HTR4: variants seen among roughly 807,000 people sequenced by gnomAD.
HTR4 encodes the protein 5-hydroxytryptamine receptor 4.
Under a neutral mutation model 36.8 loss-of-function variants are expected in HTR4, and 16 were observed. The ratio of observed to expected loss-of-function variants is 0.43; its 90% CI spans 0.29 to 0.66. The LOEUF (loss-of-function observed/expected upper bound fraction) is 0.66. Among genes scored for constraint, HTR4 ranks in the 30% least tolerant of loss-of-function variants. The pLI, the probability that HTR4 is intolerant of heterozygous loss-of-function variation, is 0.13. For synonymous variants in HTR4, 189 were observed against 185.1 expected, an observed-to-expected ratio of 1.02 and a Z score of -0.17; for missense variants, 438 against 490.9, an observed-to-expected ratio of 0.89 and a Z score of 1.02.
At chr5:148,561,257 T>C (rs949841072) in intron 2 of HTR4, among the ~76,000 whole-genome samples, 2 of 152,194 alleles carry the variant, frequency 1.3e-5, no homozygotes, top group South Asian at 4.1e-4. Flanking sequence ...AGGATCTCTC[T>C]GTACAGAGTA....
chr5:148,529,286 G>T (rs1758437921), intron 4 of HTR4, among the ~76,000 whole-genome samples: 1 of 152,098 alleles, frequency 6.6e-6, no homozygotes, highest in South Asian at 2.1e-4. Context: ...ATATGGTTTG[G>T]CTGTGTACCC....
intron 1 of HTR4, among the ~76,000 whole-genome samples, chr5:148,651,136 A>G (rs915936153): frequency 1.3e-5 from 2 of 152,234 alleles, no homozygotes; most frequent in Admixed American, 1.3e-4. Flanking sequence ...AAGATTAAAT[A>G]AGATCATTCT....
intron 2 of HTR4, among the ~76,000 whole-genome samples, chr5:148,591,193 T>C (rs371966848): frequency 6.6e-6 from 1 of 152,220 alleles, no homozygotes; most frequent in Non-Finnish European, 1.5e-5. Flanking sequence ...TCCATGTGCA[T>C]GTTTTTGTAT....
At chr5:148,529,379 G>A (rs1758442076) in intron 4 of HTR4, among the ~76,000 whole-genome samples, 1 of 152,158 alleles carries the variant, frequency 6.6e-6, no homozygotes, top group Non-Finnish European at 1.5e-5. Flanking sequence ...TGAATCACGG[G>A]AGTGCGTCTT....
intron 2 of HTR4, among the ~76,000 whole-genome samples, chr5:148,579,828 A>G (rs1427020096): frequency 6.6e-6 from 1 of 152,054 alleles, no homozygotes; most frequent in Non-Finnish European, 1.5e-5. Flanking sequence ...CCACATATCA[A>G]ATCACTCTCA....
In HTR4 at chr5:148,564,304, A is replaced by G. The variant is rs2113870939; in HGVS notation, c.27-14042T>C. Among the ~76,000 whole-genome samples, 3 of 152,254 alleles carry G rather than the reference A, an allele frequency of 2.0e-5. No homozygotes were observed. The South Asian group carries it at 6.2e-4, about 32-fold the overall frequency. ...ATGTCCTTCAGCACTCAGCTTAAAC[A>G]TCTTATTGTCTGGGAAGCCATCCTG... is the stretch of plus-strand genomic sequence containing the variant. On this transcript the variant is annotated intron_variant, in intron 2 of 6. Coordinates refer to ENST00000377888, the MANE Select transcript of HTR4 (RefSeq NM_000870.7).
chr5:148,487,905 A>T (rs1173774881), intron 6 of HTR4, among the ~76,000 whole-genome samples: 1 of 152,208 alleles, frequency 6.6e-6, no homozygotes, highest in Non-Finnish European at 1.5e-5. Context: ...ACAAGGAAGT[A>T]TTTATTGGTT....
chr5:148,486,423 G>A (rs965104621), intron 6 of HTR4, among the ~76,000 whole-genome samples: 1 of 152,168 alleles, frequency 6.6e-6, no homozygotes, highest in African/African-American at 2.4e-5. Context: ...AGAGAAGAAA[G>A]CAGCAGAGTG....
chr5:148,543,352 C>T (rs1454144988), intron 4 of HTR4, among the ~76,000 whole-genome samples: 1 of 152,128 alleles, frequency 6.6e-6, no homozygotes, highest in African/African-American at 2.4e-5. Flanking sequence ...CAAAGTTAGA[C>T]TAAATGACAT....
At chr5:148,615,634 A>T (rs1752639945) in intron 2 of HTR4, among the ~76,000 whole-genome samples, 1 of 151,668 alleles carries the variant, frequency 6.6e-6, no homozygotes, top group African/African-American at 2.4e-5. Flanking sequence ...TACGTATGTA[A>T]CTAACCTGCA....
At chr5:148,544,833 C>T (rs1173903573) in intron 4 of HTR4, among the ~76,000 whole-genome samples, 1 of 152,124 alleles carries the variant, frequency 6.6e-6, no homozygotes, top group African/African-American at 2.4e-5. Flanking sequence ...AGGAGTCTGC[C>T]ATCTGAGAAG....
At chr5:148,612,839 A>T (rs1340444656) in intron 2 of HTR4, among the ~76,000 whole-genome samples, 20 of 144,036 alleles carry the variant, frequency 1.4e-4, no homozygotes, top group African/African-American at 5.2e-4. Flanking sequence ...AAAAAATGAT[A>T]AAGGGGATAT....
Position 148,482,013 on chromosome 5 carries a change from C to G in HTR4, c.*1190G>C. 1.0e-6 allele frequency: 1 copy of G among 997,370 alleles called. No individual in the cohort carries two copies. The highest frequency in any genetic ancestry group is 1.2e-6 in the Non-Finnish European group (1 of 837,544). 61.8% of individuals were successfully genotyped at this position (997,370 alleles called of 1,614,324 possible). A position where few individuals can be genotyped will look rare whatever the true frequency, so the allele number is the denominator to read the frequency against. On this transcript the variant is annotated 3_prime_UTR_variant, in exon 7 of 7. Transcript: ENST00000377888. ...GAAACAGAAAGAAAACTTAAAGGTC[C>G]TCTAGTCCAAGCTTGAGTGCACAGA... is the stretch of plus-strand genomic sequence containing the variant.
chr5:148,551,622 T>C (rs1028821350), intron 2 of HTR4, among the ~76,000 whole-genome samples: 6 of 152,194 alleles, frequency 3.9e-5, no homozygotes, highest in African/African-American at 1.4e-4. Context: ...TTTAATGAAG[T>C]TTCAAAGAAT....
intron 2 of HTR4, among the ~76,000 whole-genome samples, chr5:148,556,962 G>C (rs1759975572): frequency 6.6e-6 from 1 of 152,170 alleles, no homozygotes; most frequent in Admixed American, 6.5e-5. Flanking sequence ...TGCATTCAAA[G>C]GGAAGAGCAA....
chr5:148,579,393 A>C (rs917307125), intron 2 of HTR4, among the ~76,000 whole-genome samples: 25 of 152,064 alleles, frequency 1.6e-4, no homozygotes, highest in African/African-American at 5.8e-4. Context: ...TCCCTACGTT[A>C]AGAGAGATTA....
intron 2 of HTR4, among the ~76,000 whole-genome samples, chr5:148,565,063 T>A (rs1043579873): frequency 7.0e-6 from 1 of 143,560 alleles, no homozygotes; most frequent in Non-Finnish European, 1.5e-5. Flanking sequence ...TAAGCCAATA[T>A]CACACCACTG....
At chr5:148,631,031 A>T (rs888191446) in intron 2 of HTR4, among the ~76,000 whole-genome samples, 97 of 152,186 alleles carry the variant, frequency 6.4e-4, no homozygotes, top group African/African-American at 2.3e-3. Context: ...TTACTAGCTT[A>T]ATTCCATAAC....
chr5:148,465,516 C>T (rs1333115651), intron 5 of HTR4, among the ~76,000 whole-genome samples: 1 of 152,136 alleles, frequency 6.6e-6, no homozygotes, highest in African/African-American at 2.4e-5. Flanking sequence ...AATTGGAGCA[C>T]TGGGGGTAAT....
Sources: gnomAD v4.1 joint callset for allele counts (sites outside exome capture counted in the v4.1 genomes callset) on GRCh38, gnomAD v4.1.1 for gene constraint, MANE v1.5 for transcripts, NCBI Gene and HGNC (gene_info 2026-07-23, HGNC 2026-07-21) for gene names.